SLC25A16: variants seen among roughly 807,000 people sequenced by gnomAD.
SLC25A16 encodes mitochondrial coenzyme A transporter SLC25A16.
A neutral mutation model predicts 41.5 loss-of-function variants in SLC25A16; 39 were observed. The observed-to-expected ratio is 0.94, with a 90% CI of 0.73 to 1.23. The LOEUF is 1.23. Among genes scored for constraint, SLC25A16 ranks in the 50% most tolerant of loss-of-function variants. The probability of loss-of-function intolerance (pLI) is 0.00; values close to 1 mark genes in which losing one functional copy is unlikely to be tolerated. For missense variants in SLC25A16, 421 were observed against 426.9 expected, an observed-to-expected ratio of 0.99 and a Z score of 0.12; for synonymous variants, 146 against 147.8, an observed-to-expected ratio of 0.99 and a Z score of 0.09.
chr10:68,525,963 G>T (rs1044855502), intron 1 of SLC25A16, among the ~76,000 whole-genome samples: 1 of 151,776 alleles, frequency 6.6e-6, no homozygotes, highest in Non-Finnish European at 1.5e-5. Context: ...CAAAAACTGC[G>T]GAAGGCCGCA....
At chr10:68,511,650 C>T (rs1337090058) in intron 2 of SLC25A16, among the ~76,000 whole-genome samples, 1 of 152,034 alleles carries the variant, frequency 6.6e-6, no homozygotes, top group East Asian at 1.9e-4. Flanking sequence ...AAATAATTTC[C>T]TTCCTTTCCA....
intron 8 of SLC25A16, 40 bp downstream of exon 8, chr10:68,487,104 T>C (rs1197855783): frequency 6.6e-7 from 1 of 1,522,938 alleles, no homozygotes. Flanking sequence ...TAATGTTACA[T>C]TTCCTAAAGA....
At position 68,480,448 on chromosome 10, in the gene SLC25A16, GAT is replaced by G. The variant is rs2052471498; in HGVS notation, c.*2982_*2983del. Reference sequence around the variant, plus strand: ...ATAGAATGCAAATTTTTATTTAAAAGATATTTGCAATCCCCTTTTACTGATAA... The same window carrying G: ...ATAGAATGCAAATTTTTATTTAAAAGATTTGCAATCCCCTTTTACTGATAA... On this transcript the variant is annotated 3_prime_UTR_variant, in exon 9 of 9. Transcript: ENST00000609923. The G allele has an allele frequency of 6.9e-6, 1 of 144,958 alleles. No homozygotes were observed. The highest frequency in any genetic ancestry group is 1.5e-5 in the Non-Finnish European group (1 of 65,972). 9.0% of individuals were successfully genotyped at this position (144,958 alleles called of 1,614,324 possible).
chr10:68,510,698 C>T (rs1231946323), intron 2 of SLC25A16, among the ~76,000 whole-genome samples: 4 of 150,212 alleles, frequency 2.7e-5, no homozygotes, highest in African/African-American at 9.8e-5. Context: ...ATCAGCCAGG[C>T]GTAGTGGCAT....
chr10:68,489,727 C>T (rs890335969), intron 6 of SLC25A16, among the ~76,000 whole-genome samples: 13 of 151,786 alleles, frequency 8.6e-5, no homozygotes, highest in African/African-American at 3.1e-4. Flanking sequence ...ATGGTGAAAC[C>T]CTGTCTCTAC....
chr10:68,516,022 T>C (rs981214003), intron 2 of SLC25A16, among the ~76,000 whole-genome samples: 1 of 152,064 alleles, frequency 6.6e-6, no homozygotes, highest in East Asian at 1.9e-4. Flanking sequence ...TTTGGAAAAT[T>C]TGCCCCCTTT....
At position 68,496,399 on chromosome 10, in the gene SLC25A16, C is replaced by T. The variant is rs1425986898; in HGVS notation, c.422-2829G>A. ...CTTTTAAGAAGGCCAAAAAAGCCCT[C>T]GATGTACAAATAAGGCAAATCAGAA... On this transcript the variant is annotated intron_variant, in intron 4 of 8. Transcript: ENST00000609923. The T allele has an allele frequency of 1.6e-5, 13 of 796,048 alleles. No homozygotes were observed. In the South Asian group the frequency reaches 2.9e-4, roughly 18 times the overall value. The allele number at this position is 796,048 out of a possible 1,614,324, so 49.3% of individuals were successfully genotyped here.
intron 1 of SLC25A16, among the ~76,000 whole-genome samples, chr10:68,521,427 T>C (rs1278483487): frequency 6.6e-6 from 1 of 151,382 alleles, no homozygotes; most frequent in African/African-American, 2.4e-5. Flanking sequence ...TACTGTGGAG[T>C]CTGAGGTGGC....
intron 6 of SLC25A16, among the ~76,000 whole-genome samples, chr10:68,490,342 G>T (rs1435499359): frequency 6.6e-6 from 1 of 150,560 alleles, no homozygotes; most frequent in East Asian, 1.9e-4. Context: ...GAAAAGAAGA[G>T]ACTTTTTTTT....
At position 68,516,936 on chromosome 10, in the gene SLC25A16, C is replaced by G. The variant is rs1485921298; in HGVS notation, c.131-93G>C. ...GTTCAGCCAGCAAACCCTCTAATCT[C>G]TAATTCAGTCTCCATGAGTAAATCT... On this transcript the variant is annotated intron_variant, in intron 1 of 8. Transcript: ENST00000609923. 7 of 1,093,400 alleles carry G rather than the reference C, an allele frequency of 6.4e-6. No individual in the cohort carries two copies. In the Admixed American group the frequency reaches 1.3e-4, roughly 20 times the overall value. 67.7% of individuals were successfully genotyped at this position (1,093,400 alleles called of 1,614,324 possible). A position where few individuals can be genotyped will look rare whatever the true frequency, so the allele number is the denominator to read the frequency against.
chr10:68,486,897 C>T (rs1191159459), intron 8 of SLC25A16, among the ~76,000 whole-genome samples: 5 of 130,580 alleles, frequency 3.8e-5, no homozygotes, highest in African/African-American at 1.2e-4. Context: ...GCGGAGGTTA[C>T]AGTTAGCCAA....
chr10:68,493,415 C>G, intron 5 of SLC25A16, 34 bp downstream of exon 5: 2 of 1,575,360 alleles, frequency 1.3e-6, no homozygotes, highest in Non-Finnish European at 1.7e-6. Context: ...TATAAAAGGG[C>G]ATGTTATAGA....
intron 2 of SLC25A16, among the ~76,000 whole-genome samples, chr10:68,516,159 T>C (rs1301153350): frequency 6.6e-6 from 1 of 152,196 alleles, no homozygotes; most frequent in Non-Finnish European, 1.5e-5. Context: ...TCATTTTTAT[T>C]TTTTGCAGAA....
rs1430668286 is a variant in SLC25A16, at chr10:68,493,453, G to A, written c.539C>T (p.Ala180Val). 6.2e-7 allele frequency: 1 copy of A among 1,612,552 alleles called. No individual in the cohort carries two copies. The highest frequency in any genetic ancestry group is 2.2e-5 in the East Asian group (1 of 44,798). ...AGGAAGGTAAATATGAAATACCTTT[G>A]CATAAATTGTTTTGAAAGCATGAAT... ...GIIHAFKTIY[A>V]KEGGFFGFYR... The change falls in exon 5 of 9, where the codon GCA becomes GTA. Residue 180 changes from alanine (A) to valine (V), a missense_variant. Coordinates refer to ENST00000609923, the MANE Select transcript of SLC25A16 (RefSeq NM_152707.4).
At chr10:68,523,462 G>A (rs995281008) in intron 1 of SLC25A16, among the ~76,000 whole-genome samples, 28 of 151,836 alleles carry the variant, frequency 1.8e-4, no homozygotes, top group African/African-American at 2.4e-4. Context: ...AATATTTTCC[G>A]TGTGAATAAA....
At position 68,515,062 on chromosome 10, in the gene SLC25A16, T is replaced by TA. The variant is rs758781032; in HGVS notation, c.223+1688dup. Among the ~76,000 whole-genome samples the TA allele has an allele frequency of 3.7e-3, 556 of 149,956 alleles. 2 individuals carry two copies. Among genetic ancestry groups the TA allele is most frequent in the African/African-American group, 0.013 (524 of 41,022 alleles). ...CTAAAGTCTTGATTTTTTTTTTTTT[T>TA]AACAAAGCAAGTGGCCAGGTGCGGT... On this transcript the variant is annotated intron_variant, in intron 2 of 8. Coordinates refer to ENST00000609923, the MANE Select transcript of SLC25A16 (RefSeq NM_152707.4).
chr10:68,524,751 G>A (rs1458545967), intron 1 of SLC25A16, among the ~76,000 whole-genome samples: 1 of 146,646 alleles, frequency 6.8e-6, no homozygotes, highest in African/African-American at 2.5e-5. Context: ...GGTGGTGCAC[G>A]CCTGTAATCC....
intron 3 of SLC25A16, among the ~76,000 whole-genome samples, chr10:68,505,379 A>C (rs1450723576): frequency 6.6e-6 from 1 of 151,664 alleles, no homozygotes; most frequent in Non-Finnish European, 1.5e-5. Context: ...AGAGGGAGGG[A>C]AGGAGGGAAG....
intron 4 of SLC25A16, among the ~76,000 whole-genome samples, chr10:68,494,168 GAAGGTGGT>G (rs2052708589): frequency 6.6e-6 from 1 of 152,074 alleles, no homozygotes; most frequent in Non-Finnish European, 1.5e-5. Flanking sequence ...GTTACTGGCT[GAAGGTGGT>G]TTAATAGGCC....
Sources: gnomAD v4.1 joint callset for allele counts (sites outside exome capture counted in the v4.1 genomes callset) on GRCh38, gnomAD v4.1.1 for gene constraint, MANE v1.5 for transcripts, NCBI Gene and HGNC (gene_info 2026-07-23, HGNC 2026-07-21) for gene names.